The following RANBP2 variants were observed in gnomAD, a reference collection of about 807,000 sequenced individuals.
The protein encoded by RANBP2 is E3 SUMO-protein ligase RanBP2.
Under a neutral mutation model 303.6 loss-of-function variants are expected in RANBP2, and 57 were observed. The ratio of observed to expected loss-of-function variants is 0.19; its 90% confidence interval spans 0.15 to 0.23. The LOEUF (loss-of-function observed/expected upper bound fraction) is 0.23. RANBP2 is among the 10% of genes least tolerant of loss of function. RANBP2 has a pLI of 1.00. For missense variants in RANBP2, 3,138 were observed against 3,780.8 expected (o/e 0.83, Z 4.46); for synonymous variants, 1,167 against 1,301.5 (o/e 0.90, Z 2.23).
chr2:108,748,806 G>T (rs1245356752), intron 8 of RANBP2, 114 bp from the exon 9 acceptor site: 81 of 1,598,388 alleles, frequency 5.1e-5, no homozygotes, highest in Non-Finnish European at 6.8e-5. Flanking sequence ...TGGGTTGGAG[G>T]GTTAGGTATG....
the RANBP2 span, among the ~76,000 whole-genome samples, chr2:109,547,082 G>A: frequency 1.3e-5 from 2 of 152,106 alleles, no homozygotes; most frequent in African/African-American, 2.4e-5. Flanking sequence ...GAGAACAAAG[G>A]TTAACCACCA....
chr2:109,615,404 C>T, the RANBP2 span: 2 of 1,612,942 alleles, frequency 1.2e-6, no homozygotes, highest in African/African-American at 2.7e-5. Context: ...GCTTCACTTG[C>T]CTGCACTGGG....
intron 21 of RANBP2, 33 bp from the exon 22 acceptor site, chr2:108,772,456 A>C: frequency 1.3e-6 from 2 of 1,584,456 alleles, no homozygotes; most frequent in Non-Finnish European, 1.7e-6. Context: ...CCCAAAATTA[A>C]CTAGAAATTC....
the RANBP2 span, among the ~76,000 whole-genome samples, chr2:109,518,916 T>C: frequency 1.0e-5 from 1 of 97,102 alleles, no homozygotes; most frequent in Non-Finnish European, 1.9e-5. Flanking sequence ...GCTACATATC[T>C]TTTTTTTTTT....
chr2:108,768,006 A>G lies in RANBP2; in HGVS notation c.7467A>G (p.Ala2489=), dbSNP rs778824030. The part of the protein sequence containing the change: ...RTDVIQGDDV[A]DATSEVEVSS... ...ATGTTATTCAGGGTGATGATGTAGC[A>G]GATGCAACTTCAGAAGTTGAAGTGT... The change falls in exon 20 of 29, where the codon GCA becomes GCG. Residue 2489 remains alanine, a synonymous_variant. Transcript: ENST00000283195. 48 of 1,611,848 alleles carry G rather than the reference A, an allele frequency of 3.0e-5. No individual in the cohort carries two copies. Among genetic ancestry groups the G allele is most frequent in the Non-Finnish European group, 4.0e-5 (47 of 1,179,806 alleles).
At chr2:109,019,306 G>A in the RANBP2 span, among the ~76,000 whole-genome samples, 1 of 152,246 alleles carries the variant, frequency 6.6e-6, no homozygotes, top group Non-Finnish European at 1.5e-5. Context: ...GTTGTTGTGT[G>A]TGTCGGGTGT....
chr2:109,448,806 C>T, the RANBP2 span, among the ~76,000 whole-genome samples: 17 of 152,192 alleles, frequency 1.1e-4, no homozygotes, highest in Admixed American at 6.5e-4. Context: ...TTGTCTTCCA[C>T]AAAACGGGTC....
At chr2:108,728,595 T>TATG (rs56238649) in intron 1 of RANBP2, among the ~76,000 whole-genome samples, 20,816 of 145,510 alleles carry the variant, frequency 0.14, 1,483 homozygotes, top group South Asian at 0.16. Flanking sequence ...CCAGCTTATT[T>TATG]ATGATGATGA....
chr2:108,722,088 C>G (rs977054754), intron 1 of RANBP2, among the ~76,000 whole-genome samples: 1 of 150,758 alleles, frequency 6.6e-6, no homozygotes, highest in African/African-American at 2.4e-5. Context: ...AGCTTAGAGC[C>G]TTTCTGAGAT....
chr2:109,614,694 G>T, the RANBP2 span: 3 of 1,487,936 alleles, frequency 2.0e-6, no homozygotes, highest in African/African-American at 1.5e-5. Flanking sequence ...TGTGCGCGTC[G>T]ATCCCGCCGA....
At chr2:109,482,807 G>A in the RANBP2 span, among the ~76,000 whole-genome samples, 2 of 152,120 alleles carry the variant, frequency 1.3e-5, no homozygotes, top group African/African-American at 2.4e-5. Flanking sequence ...ACGATGCGGC[G>A]GTCACGTCTT....
At chr2:108,866,840 G>A in the RANBP2 span, among the ~76,000 whole-genome samples, 1,469 of 151,404 alleles carry the variant, frequency 9.7e-3, 13 homozygotes, top group Non-Finnish European at 0.015. Context: ...CCGAGATCAC[G>A]CCACGGCACT....
intron 1 of RANBP2, among the ~76,000 whole-genome samples, chr2:108,723,561 C>T (rs1253114363): frequency 6.6e-6 from 1 of 152,156 alleles, no homozygotes; most frequent in African/African-American, 2.4e-5. Context: ...AGGCGTGAGC[C>T]ACCGCGCCGG....
the RANBP2 span, among the ~76,000 whole-genome samples, chr2:108,924,589 G>A: frequency 2.0e-5 from 3 of 152,184 alleles, no homozygotes; most frequent in East Asian, 3.9e-4. Flanking sequence ...CCCTGCTGAC[G>A]GTAGTGCTAA....
the RANBP2 span, among the ~76,000 whole-genome samples, chr2:109,223,283 G>C: frequency 6.6e-6 from 1 of 152,216 alleles, no homozygotes; most frequent in Non-Finnish European, 1.5e-5. Context: ...CTCAGAGGCT[G>C]CGTGAGCACC....
chr2:109,652,442 G>C, the RANBP2 span, among the ~76,000 whole-genome samples: 2 of 152,122 alleles, frequency 1.3e-5, no homozygotes, highest in Non-Finnish European at 2.9e-5. Flanking sequence ...AGCCAGGATG[G>C]TCTTGATCTC....
At chr2:109,480,627 G>T in the RANBP2 span, among the ~76,000 whole-genome samples, 6 of 152,018 alleles carry the variant, frequency 3.9e-5, no homozygotes, top group Non-Finnish European at 8.8e-5. Flanking sequence ...CTGCCCTGTG[G>T]GAGGAGGAGG....
At chr2:108,813,095 G>A in the RANBP2 span, among the ~76,000 whole-genome samples, 2 of 151,342 alleles carry the variant, frequency 1.3e-5, no homozygotes, top group East Asian at 3.9e-4. Context: ...TAAAAATACA[G>A]AAAATTAGCC....
downstream of RANBP2, chr2:108,788,043 A>T: frequency 6.3e-7 from 1 of 1,575,472 alleles, no homozygotes; most frequent in Non-Finnish European, 8.6e-7. Context: ...ATGATTTTTC[A>T]AATTTTTATC....
Sources: allele counts gnomAD v4.1 joint callset (sites outside exome capture counted in the v4.1 genomes callset), GRCh38; gene constraint gnomAD v4.1.1; transcripts MANE v1.5; gene names NCBI Gene and HGNC (gene_info 2026-07-23, HGNC 2026-07-21).